BMPR1B: variants seen among roughly 807,000 people sequenced by gnomAD.
BMPR1B encodes bone morphogenetic protein receptor type 1B.
BMPR1B carries 12 observed loss-of-function variants against 59.1 expected under a neutral mutation model. The ratio of observed to expected loss-of-function variants is 0.20; its 90% confidence interval spans 0.13 to 0.33. The LOEUF (loss-of-function observed/expected upper bound fraction) is 0.33, where lower values mean the gene tolerates loss of function less well. BMPR1B is among the 10% of genes least tolerant of loss of function. The pLI is 1.00. For missense variants in BMPR1B, 550 were observed against 610.9 expected, an observed-to-expected ratio of 0.90 and a Z score of 1.05; for synonymous variants, 237 against 207.3, an observed-to-expected ratio of 1.14 and a Z score of -1.23.
intron 2 of BMPR1B, among the ~76,000 whole-genome samples, chr4:94,989,936 G>A (rs1721634638): frequency 6.6e-6 from 1 of 152,156 alleles, no homozygotes; most frequent in Admixed American, 6.5e-5. Flanking sequence ...TTTATCACTA[G>A]GAAAATGCAG....
At position 94,895,734 on chromosome 4, in the gene BMPR1B, T is replaced by A. The variant is rs6532514; in HGVS notation, c.-113+19834T>A. 7.4e-3 allele frequency among the ~76,000 whole-genome samples: 1,122 copies of A among 152,018 alleles called. 17 individuals are homozygous for A. The highest frequency in any genetic ancestry group is 0.026 in the African/African-American group (1,075 of 41,528). ...ATTAAACAAAACAATTAGAATTTTT[T>A]TCTAAACTCATGTTTCTTTTTGTTT... On this transcript the variant is annotated intron_variant, in intron 2 of 12. Transcript: ENST00000515059.
chr4:95,146,211 G>A (rs894826977), intron 10 of BMPR1B, among the ~76,000 whole-genome samples: 8 of 152,148 alleles, frequency 5.3e-5, no homozygotes, highest in Non-Finnish European at 1.5e-5. Context: ...GGAGAGGAAG[G>A]GGAGGAGAGA....
chr4:94,947,075 A>G (rs535356933), intron 2 of BMPR1B, among the ~76,000 whole-genome samples: 2 of 152,270 alleles, frequency 1.3e-5, no homozygotes, highest in East Asian at 3.9e-4. Context: ...AAACCCCCCA[A>G]AAACAAACAA....
rs74807888 is a variant in BMPR1B, at chr4:94,913,207, G to T, written c.-113+37307G>T. Among the ~76,000 whole-genome samples the T allele has an allele frequency of 1.7e-3, 264 of 151,992 alleles. 6 individuals are homozygous for T. In the East Asian group the frequency reaches 0.048, roughly 28 times the overall value. The stretch of plus-strand genomic sequence containing the variant: ...CATATATGTATAGTGTAGCTCATAG[G>T]TGGAGATTAAGCATATTTTCTGCTT... On this transcript the variant is annotated intron_variant, in intron 2 of 12. Transcript: ENST00000515059.
chr4:94,891,465 A>C (rs1727389701), intron 2 of BMPR1B, among the ~76,000 whole-genome samples: 1 of 152,106 alleles, frequency 6.6e-6, no homozygotes, highest in South Asian at 2.1e-4. Flanking sequence ...GGTAAATGAT[A>C]CTTAAAAGTA....
At chr4:94,932,115 C>A (rs1351852186) in intron 2 of BMPR1B, among the ~76,000 whole-genome samples, 1 of 152,128 alleles carries the variant, frequency 6.6e-6, no homozygotes, top group African/African-American at 2.4e-5. Context: ...AAGGTGCTGA[C>A]CATTGCCCTA....
chr4:95,073,583 G>A (rs1451847271), intron 3 of BMPR1B, among the ~76,000 whole-genome samples: 1 of 151,864 alleles, frequency 6.6e-6, no homozygotes, highest in Non-Finnish European at 1.5e-5. Context: ...ATTGGATGAG[G>A]GACTGAAAAG....
At chr4:95,091,558 T>C in intron 3 of BMPR1B, 1 of 985,342 alleles carries the variant, frequency 1.0e-6, no homozygotes, top group Non-Finnish European at 1.2e-6. Context: ...CTAGCAATTC[T>C]GTGCCTCCTC....
intron 10 of BMPR1B, among the ~76,000 whole-genome samples, chr4:95,137,534 G>A (rs1322850454): frequency 5.3e-5 from 8 of 152,198 alleles, no homozygotes; most frequent in Middle Eastern, 3.4e-3. Flanking sequence ...TTATTATTGT[G>A]TGGGAGTCTA....
intron 10 of BMPR1B, among the ~76,000 whole-genome samples, chr4:95,148,181 A>G (rs1734779063): frequency 1.3e-5 from 2 of 152,210 alleles, no homozygotes; most frequent in Non-Finnish European, 2.9e-5. Context: ...AAACCTGTTT[A>G]TAGATCTAAG....
At chr4:94,796,260 C>T (rs757294701) in intron 1 of BMPR1B, among the ~76,000 whole-genome samples, 34 of 152,160 alleles carry the variant, frequency 2.2e-4, no homozygotes, top group Non-Finnish European at 4.6e-4. Context: ...TCACCATGCC[C>T]GGCCTAGGTT....
At chr4:94,862,811 T>G (rs565946204) in intron 1 of BMPR1B, among the ~76,000 whole-genome samples, 2 of 151,644 alleles carry the variant, frequency 1.3e-5, no homozygotes, top group East Asian at 2.0e-4. Flanking sequence ...CGGGCGTGGT[T>G]GCGGGCACCT....
At chr4:95,149,298 AC>A (rs1734864653) in intron 11 of BMPR1B, among the ~76,000 whole-genome samples, 1 of 151,556 alleles carries the variant, frequency 6.6e-6, no homozygotes, top group Non-Finnish European at 1.5e-5. Flanking sequence ...CCCATCCCCA[AC>A]TCCATTCCCT....
chr4:94,854,952 A>C (rs939785346), intron 1 of BMPR1B, among the ~76,000 whole-genome samples: 1 of 152,190 alleles, frequency 6.6e-6, no homozygotes, highest in Non-Finnish European at 1.5e-5. Flanking sequence ...CTTATACTGA[A>C]ATATAATCAA....
chr4:95,120,488 G>A (rs1221515045), intron 6 of BMPR1B, among the ~76,000 whole-genome samples: 2 of 152,100 alleles, frequency 1.3e-5, no homozygotes, highest in Non-Finnish European at 1.5e-5. Flanking sequence ...TTCACTGATG[G>A]TATGATCGTA....
At chr4:95,026,620 G>GTCC (rs1482415621) in intron 3 of BMPR1B, among the ~76,000 whole-genome samples, 2 of 151,888 alleles carry the variant, frequency 1.3e-5, no homozygotes, top group African/African-American at 2.4e-5. Context: ...TAAAATATAG[G>GTCC]TAAGGGTGCT....
At chr4:94,965,435 A>G (rs896954643) in intron 2 of BMPR1B, among the ~76,000 whole-genome samples, 2 of 152,114 alleles carry the variant, frequency 1.3e-5, no homozygotes, top group Non-Finnish European at 2.9e-5. Flanking sequence ...GAGAAATCTA[A>G]GGGGAGCTCC....
chr4:94,907,665 G>A (rs866067007), intron 2 of BMPR1B, among the ~76,000 whole-genome samples: 2 of 152,022 alleles, frequency 1.3e-5, no homozygotes, highest in Middle Eastern at 3.4e-3. Flanking sequence ...TCCATAGCAT[G>A]TTGTTATCAT....
intron 2 of BMPR1B, among the ~76,000 whole-genome samples, chr4:94,962,112 CTTCCTTCCTTCT>C (rs1446624288): frequency 4.9e-4 from 54 of 110,368 alleles, no homozygotes; most frequent in Middle Eastern, 5.1e-3. Flanking sequence ...TCCTTCCTTC[CTTCCTTCCTTCT>C]TTCCTTCCTT....
Sources: gnomAD v4.1 joint callset for allele counts (sites outside exome capture counted in the v4.1 genomes callset) on GRCh38, gnomAD v4.1.1 for gene constraint, MANE v1.5 for transcripts, NCBI Gene and HGNC (gene_info 2026-07-23, HGNC 2026-07-21) for gene names.